The following NIPAL1 variants were observed in gnomAD, a reference collection of about 807,000 sequenced individuals.
NIPAL1 encodes the protein NIPA like domain containing 1, also known as magnesium transporter NIPA3.
NIPAL1 carries 35 observed loss-of-function variants against 37.7 expected under a neutral mutation model. The ratio of observed to expected loss-of-function variants is 0.93; its 90% CI spans 0.71 to 1.23. The LOEUF is 1.23. NIPAL1 is among the 50% of genes most tolerant of loss of function. NIPAL1 has a pLI of 0.00. For missense variants in NIPAL1, 412 were observed against 473.9 expected (o/e 0.87, Z 1.21); for synonymous variants, 162 against 183.0 (o/e 0.89, Z 0.93).
At chr4:48,030,591 G>C (rs1715799458) in intron 3 of NIPAL1, among the ~76,000 whole-genome samples, 1 of 152,200 alleles carries the variant, frequency 6.6e-6, no homozygotes, top group South Asian at 2.1e-4. Flanking sequence ...ACACGGATAA[G>C]TGAAAGGCTT....
intron 3 of NIPAL1, among the ~76,000 whole-genome samples, chr4:48,031,958 C>T (rs113681482): frequency 4.0e-4 from 61 of 152,230 alleles, no homozygotes; most frequent in African/African-American, 1.5e-3. Context: ...AGGCTGATCT[C>T]GAACGCCTGA....
intron 1 of NIPAL1, among the ~76,000 whole-genome samples, chr4:48,018,985 C>A (rs1399396093): frequency 6.6e-6 from 1 of 152,174 alleles, no homozygotes; most frequent in Non-Finnish European, 1.5e-5. Flanking sequence ...AGTTGAACTT[C>A]CATGAAGAAA....
At chr4:48,026,790 C>T (rs1715702377) in intron 2 of NIPAL1, among the ~76,000 whole-genome samples, 1 of 151,402 alleles carries the variant, frequency 6.6e-6, no homozygotes, top group South Asian at 2.1e-4. Flanking sequence ...ATGATCTCGG[C>T]TCACTGCAAC....
intron 1 of NIPAL1, among the ~76,000 whole-genome samples, chr4:48,020,290 A>G (rs1715544177): frequency 6.6e-6 from 1 of 152,214 alleles, no homozygotes; most frequent in Admixed American, 6.5e-5. Context: ...ATTTTGTTGT[A>G]AGTTGAGATG....
At chr4:48,031,321 G>C (rs1342611494) in intron 3 of NIPAL1, among the ~76,000 whole-genome samples, 1 of 152,128 alleles carries the variant, frequency 6.6e-6, no homozygotes, top group Non-Finnish European at 1.5e-5. Flanking sequence ...TCGGCCTTCA[G>C]AAGTGCTGTG....
At chr4:48,032,605 G>A (rs887191887) in intron 3 of NIPAL1, among the ~76,000 whole-genome samples, 2 of 152,120 alleles carry the variant, frequency 1.3e-5, no homozygotes, top group Non-Finnish European at 1.5e-5. Context: ...TGGTTTCTGT[G>A]GGTAACCTAC....
chr4:48,022,872 C>T (rs1264804815), intron 1 of NIPAL1, among the ~76,000 whole-genome samples: 1 of 151,976 alleles, frequency 6.6e-6, no homozygotes, highest in East Asian at 1.9e-4. Context: ...CCTGTGGTTC[C>T]AGCTACTTGG....
At chr4:48,024,331 TGCAGTGGTGTGATC>T (rs11274681) in intron 1 of NIPAL1, among the ~76,000 whole-genome samples, 50,881 of 151,826 alleles carry the variant, frequency 0.34, 8,721 homozygotes, top group South Asian at 0.48. Context: ...TAGGCTGGAG[TGCAGTGGTGTGATC>T]GCAGCTCGCT....
At chr4:48,030,367 A>G (rs1407175047) in intron 3 of NIPAL1, among the ~76,000 whole-genome samples, 191 bp downstream of exon 3, 1 of 152,022 alleles carries the variant, frequency 6.6e-6, no homozygotes, top group Non-Finnish European at 1.5e-5. Context: ...TTTTACTCTT[A>G]TTTCCCACCC....
chr4:48,035,526 A>G (rs1411800914), intron 5 of NIPAL1, 36 bp from the exon 6 acceptor site: 3 of 1,578,256 alleles, frequency 1.9e-6, no homozygotes, highest in Admixed American at 4.1e-5. Context: ...TCCTGTGAGC[A>G]TTTTCTAAAG....
chr4:48,018,856 A>T (rs949278758), intron 1 of NIPAL1, among the ~76,000 whole-genome samples: 8 of 152,338 alleles, frequency 5.3e-5, no homozygotes, highest in South Asian at 2.1e-4. Flanking sequence ...GCAGTAATGT[A>T]TCAAGAGTGT....
intron 1 of NIPAL1, among the ~76,000 whole-genome samples, chr4:48,018,217 T>G (rs565665423): frequency 6.6e-6 from 1 of 152,244 alleles, no homozygotes; most frequent in Non-Finnish European, 1.5e-5. Context: ...GTGCCCTTTT[T>G]CTAAATAATT....
At chr4:48,028,474 A>G (rs759085332) in intron 2 of NIPAL1, among the ~76,000 whole-genome samples, 2 of 152,196 alleles carry the variant, frequency 1.3e-5, no homozygotes, top group Non-Finnish European at 2.9e-5. Context: ...TAAAAGCCCT[A>G]GAAGAAAAAC....
intron 3 of NIPAL1, 133 bp downstream of exon 3, chr4:48,030,309 T>G: frequency 1.7e-6 from 1 of 581,286 alleles, no homozygotes; most frequent in Admixed American, 2.6e-5. Context: ...ATTTTTGTGT[T>G]AGTCAATATA....
rs1683810242 is a variant in NIPAL1 at position 48,038,952 on chromosome 4, T to C, written c.*2780T>C. The C allele has an allele frequency of 6.6e-6, 1 of 151,974 alleles. No homozygotes were observed. Among genetic ancestry groups the C allele is most frequent in the Non-Finnish European group, 1.5e-5 (1 of 67,990 alleles). The allele number at this position is 151,974 out of a possible 1,614,324, so 9.4% of individuals were successfully genotyped here. ...GGAAGACTGGGAAAGATTTAATGAG[T>C]TGAAGTATGCTGAGAAACAATGAAA... On this transcript the variant is annotated 3_prime_UTR_variant, in exon 6 of 6. Coordinates refer to ENST00000295461, the MANE Select transcript of NIPAL1 (RefSeq NM_207330.3).
Position 48,036,322 on chromosome 4 carries a change from G to T in NIPAL1, c.*150G>T, listed in dbSNP as rs1715945468. On this transcript the variant is annotated 3_prime_UTR_variant, in exon 6 of 6. Coordinates refer to ENST00000295461, the MANE Select transcript of NIPAL1 (RefSeq NM_207330.3). ...GCCAAGTAAAAATGCCATTTTTTTG[G>T]CCATTGAATTTGAAAATCAAATTGA... 1.5e-6 allele frequency: 1 copy of T among 661,084 alleles called. No individual in the cohort carries two copies. 41.0% of individuals were successfully genotyped at this position (661,084 alleles called of 1,614,324 possible). A position where few individuals can be genotyped will look rare whatever the true frequency, so the allele number is the denominator to read the frequency against.
intron 3 of NIPAL1, among the ~76,000 whole-genome samples, chr4:48,031,442 A>G (rs1159023179): frequency 6.6e-6 from 1 of 152,162 alleles, no homozygotes; most frequent in Admixed American, 6.5e-5. Flanking sequence ...GGAAGATTCC[A>G]GATAGGTATT....
At chr4:48,019,202 C>T (rs553965947) in intron 1 of NIPAL1, among the ~76,000 whole-genome samples, 16 of 152,170 alleles carry the variant, frequency 1.1e-4, no homozygotes, top group Admixed American at 2.6e-4. Context: ...ATTTTTAATA[C>T]GGGTTTCACT....
At chr4:48,016,977 G>A in intron 1 of NIPAL1, 92 bp downstream of exon 1, 1 of 1,071,668 alleles carries the variant, frequency 9.3e-7, no homozygotes, top group Non-Finnish European at 1.4e-6. Flanking sequence ...ACTGGAAAGG[G>A]GGGCTGTACC....
Sources: allele counts gnomAD v4.1 joint callset (sites outside exome capture counted in the v4.1 genomes callset), GRCh38; gene constraint gnomAD v4.1.1; transcripts MANE v1.5; gene names NCBI Gene and HGNC (gene_info 2026-07-23, HGNC 2026-07-21).